Variants in PKHD1 observed in about 807,000 individuals in gnomAD.
PKHD1 encodes the protein fibrocystin.
Under a neutral mutation model 412.0 loss-of-function variants are expected in PKHD1, and 291 were observed. The observed-to-expected ratio is 0.71, with a 90% CI of 0.64 to 0.78. The LOEUF is 0.78. Ranked by LOEUF, PKHD1 falls within the 30% of genes least tolerant of loss-of-function variation. The pLI is 0.00. For missense variants in PKHD1, 4,825 were observed against 4,950.7 expected (o/e 0.97, Z 0.76); for synonymous variants, 1,777 against 1,821.5 (o/e 0.98, Z 0.62).
At position 51,880,806 on chromosome 6, in the gene PKHD1, A is replaced by C. The variant is rs1222029466; in HGVS notation, c.7350+2287T>G. Reference sequence around the variant, plus strand: ...AAAAAAAAAAAAAAAAAAAAAAAAAAACACAAAAAATTAGCCAGGCGTGGT... The same window carrying C: ...AAAAAAAAAAAAAAAAAAAAAAAAACACACAAAAAATTAGCCAGGCGTGGT... On this transcript the variant is annotated intron_variant, in intron 46 of 66. Transcript: ENST00000371117. Among the ~76,000 whole-genome samples, 26 of 93,714 alleles carry C rather than the reference A, an allele frequency of 2.8e-4. 3 individuals carry two copies. Among genetic ancestry groups the C allele is most frequent in the East Asian group, 2.2e-3 (4 of 1,812 alleles). The allele number at this position is 93,714 out of a possible 152,430, so 61.5% of individuals were successfully genotyped here.
chr6:51,786,578 C>T (rs1792889620), intron 53 of PKHD1, among the ~76,000 whole-genome samples: 1 of 152,174 alleles, frequency 6.6e-6, no homozygotes, highest in Admixed American at 6.5e-5. Flanking sequence ...ACAAAGCCTA[C>T]AATCCAGACA....
intron 35 of PKHD1, among the ~76,000 whole-genome samples, chr6:51,998,571 G>A (rs1797979468): frequency 6.6e-6 from 1 of 152,178 alleles, no homozygotes; most frequent in African/African-American, 2.4e-5. Context: ...GACTAGTTTA[G>A]TAATTATAAT....
At chr6:51,881,120 A>C (rs1445872895) in intron 46 of PKHD1, among the ~76,000 whole-genome samples, 2 of 147,372 alleles carry the variant, frequency 1.4e-5, no homozygotes, top group Non-Finnish European at 3.0e-5. Flanking sequence ...GACACCTGGC[A>C]ACATAGTGGT....
intron 58 of PKHD1, 89 bp downstream of exon 58, chr6:51,747,698 T>C: frequency 8.6e-7 from 1 of 1,164,940 alleles, no homozygotes; most frequent in South Asian, 1.2e-5. Context: ...ACAATGTACC[T>C]TTTTGTTGAT....
rs1766214176 is a variant in PKHD1, at chr6:51,618,091, A to C, written c.*990T>G. ...TGAATTTGGTGAAATTGCCTTTAAC[A>C]ACCTTACCAAATGTATCAATACCAG... On this transcript the variant is annotated 3_prime_UTR_variant, in exon 67 of 67. Coordinates refer to ENST00000371117, the MANE Select transcript of PKHD1 (RefSeq NM_138694.4). The C allele has an allele frequency of 6.6e-6, 1 of 152,172 alleles. No individual in the cohort carries two copies. Among genetic ancestry groups the C allele is most frequent in the Non-Finnish European group, 1.5e-5 (1 of 68,034 alleles). 9.4% of individuals were successfully genotyped at this position (152,172 alleles called of 1,614,324 possible).
In PKHD1 at chr6:51,725,842, A is replaced by T. The variant is rs566776942; in HGVS notation, c.10156+18543T>A. On this transcript the variant is annotated intron_variant, in intron 60 of 66. Transcript: ENST00000371117. ...TTGTGCTAGGGGGCTAAACAATTACAGTCTTCACCCAGTTCTAGAAGGTGA... is the reference window on the plus strand; with the variant it reads ...TTGTGCTAGGGGGCTAAACAATTACTGTCTTCACCCAGTTCTAGAAGGTGA... Among the ~76,000 whole-genome samples the T allele has an allele frequency of 1.6e-4, 25 of 152,316 alleles. 1 individual carries two copies. In the South Asian group the frequency reaches 2.9e-3, roughly 18 times the overall value.
rs2150982682 is a variant in PKHD1 at position 51,748,028 on chromosome 6, C to T, written c.9588G>A (p.Val3196=). The change falls in exon 58 of 67, where the codon GTG becomes GTA. Residue 3196 remains valine, a synonymous_variant. Coordinates refer to ENST00000371117, the MANE Select transcript of PKHD1 (RefSeq NM_138694.4). ...FSAPQNSVKK[V]QIVLRNSVIV... is the part of the protein sequence containing the mutation. ...TGACTGAATTCCTAAGCACAATCTGCACTTTTTTGACGGAATTTTGTGGAG... is the reference window on the plus strand; with the variant it reads ...TGACTGAATTCCTAAGCACAATCTGTACTTTTTTGACGGAATTTTGTGGAG... 2.5e-6 allele frequency: 4 copies of T among 1,614,132 alleles called. No homozygotes were observed. The highest frequency in any genetic ancestry group is 8.5e-7 in the Non-Finnish European group (1 of 1,179,996).
At chr6:52,076,445 T>C in intron 5 of PKHD1, 112 bp from the exon 6 acceptor site, 2 of 771,222 alleles carry the variant, frequency 2.6e-6, no homozygotes, top group South Asian at 1.4e-5. Flanking sequence ...TGCTTATATT[T>C]ACTCATGTCA....
chr6:51,785,817 T>C (rs1408214639), intron 53 of PKHD1, among the ~76,000 whole-genome samples: 1 of 152,218 alleles, frequency 6.6e-6, no homozygotes, highest in Non-Finnish European at 1.5e-5. Flanking sequence ...CACTTTTAAT[T>C]TCACATTTGA....
intron 3 of PKHD1, 56 bp from the exon 4 acceptor site, chr6:52,082,598 G>C: frequency 1.3e-6 from 2 of 1,546,164 alleles, no homozygotes; most frequent in East Asian, 2.2e-5. Context: ...ACACAGGACA[G>C]TGTGAAACTG....
intron 14 of PKHD1, among the ~76,000 whole-genome samples, chr6:52,061,212 A>G (rs1462721653): frequency 2.6e-5 from 4 of 152,172 alleles, no homozygotes; most frequent in East Asian, 1.9e-4. Flanking sequence ...TTGTTTAAAG[A>G]CAGAGTCTCA....
chr6:51,636,943 AG>A (rs1768657569), intron 64 of PKHD1, among the ~76,000 whole-genome samples: 1 of 152,244 alleles, frequency 6.6e-6, no homozygotes, highest in African/African-American at 2.4e-5. Context: ...GGAATAATTT[AG>A]TGAAAAACAC....
chr6:52,080,684 G>A (rs917753301), intron 4 of PKHD1, among the ~76,000 whole-genome samples: 4 of 152,140 alleles, frequency 2.6e-5, no homozygotes, highest in African/African-American at 9.7e-5. Context: ...CTAGTCTTAT[G>A]TGCTTATCAA....
chr6:52,063,825 C>T (rs1017975729), intron 13 of PKHD1, among the ~76,000 whole-genome samples: 2 of 152,334 alleles, frequency 1.3e-5, no homozygotes, highest in South Asian at 2.1e-4. Flanking sequence ...CATAGTAATT[C>T]GCCCAGCTTC....
chr6:51,853,725 T>C (rs1772751503), intron 49 of PKHD1, among the ~76,000 whole-genome samples: 1 of 152,226 alleles, frequency 6.6e-6, no homozygotes, highest in South Asian at 2.1e-4. Flanking sequence ...GATACTTGTG[T>C]GTGCTTCACA....
rs12206304 is a variant in PKHD1 at position 52,062,271 on chromosome 6, T to G, written c.1118+248A>C. On this transcript the variant is annotated intron_variant, in intron 14 of 66. Transcript: ENST00000371117. ...GGCCTGCTCAGCTCAATGTTCTAGT[T>G]GATAATCATCTCCAAAACAGATTGT... is the stretch of plus-strand genomic sequence containing the variant. Among the ~76,000 whole-genome samples the G allele has an allele frequency of 0.035, 5,319 of 152,366 alleles. 120 individuals carry two copies. The highest frequency in any genetic ancestry group is 0.084 in the South Asian group (406 of 4,828).
chr6:51,794,959 T>C (rs989112081), intron 52 of PKHD1, among the ~76,000 whole-genome samples: 2 of 152,218 alleles, frequency 1.3e-5, no homozygotes, highest in African/African-American at 4.8e-5. Context: ...TTGGGTCACA[T>C]GATGCCTCTA....
At chr6:52,054,004 G>C in intron 20 of PKHD1, 34 bp downstream of exon 20, 5 of 1,612,544 alleles carry the variant, frequency 3.1e-6, no homozygotes, top group Non-Finnish European at 4.2e-6. Context: ...CCAGCTGACT[G>C]AATTCCCACC....
At chr6:51,982,153 C>A (rs1348388888) in intron 35 of PKHD1, among the ~76,000 whole-genome samples, 89 of 42,238 alleles carry the variant, frequency 2.1e-3, no homozygotes, top group Middle Eastern at 6.7e-3. Flanking sequence ...AGGAGCGTCT[C>A]CGCCCGGCAG....
Sources: allele counts gnomAD v4.1 joint callset (sites outside exome capture counted in the v4.1 genomes callset), GRCh38; gene constraint gnomAD v4.1.1; transcripts MANE v1.5; gene names NCBI Gene and HGNC (gene_info 2026-07-23, HGNC 2026-07-21).